The following EPHA4 variants were observed in gnomAD, a reference collection of about 807,000 sequenced individuals.
The protein encoded by EPHA4 is ephrin type-A receptor 4.
In EPHA4, 19 loss-of-function variants were observed where a neutral mutation model predicts 108.3. The observed-to-expected ratio is 0.18, with a 90% CI of 0.12 to 0.26. EPHA4 has a LOEUF of 0.26. Among genes scored for constraint, EPHA4 ranks in the 10% least tolerant of loss-of-function variants. The pLI, the probability that EPHA4 is intolerant of heterozygous loss-of-function variation, is 1.00. For synonymous variants in EPHA4, 449 were observed against 455.5 expected, an observed-to-expected ratio of 0.99 and a Z score of 0.18; for missense variants, 917 against 1,254.0, an observed-to-expected ratio of 0.73 and a Z score of 4.06.
At chr2:221,554,916 T>C in intron 3 of EPHA4, among the ~76,000 whole-genome samples, 1 of 152,154 alleles carries the variant, frequency 6.6e-6, no homozygotes, top group East Asian at 1.9e-4. Context: ...GAATTGTATC[T>C]TTTACTTTAC....
chr2:221,426,028 T>G lies in EPHA4; in HGVS notation c.2961A>C (p.Ter987CysextTer5), dbSNP rs779080753. 1.2e-6 allele frequency: 2 copies of G among 1,613,776 alleles called. No homozygotes were observed. Among genetic ancestry groups the G allele is most frequent in the Admixed American group, 1.7e-5 (1 of 60,004 alleles). The change falls in exon 17 of 18, where the codon TGA becomes TGC. Residue 987 changes from the stop codon to cysteine, a stop_lost. Coordinates refer to ENST00000281821, the MANE Select transcript of EPHA4 (RefSeq NM_004438.5). ...QQMHGRMVPV[*>C] is the part of the protein sequence containing the mutation. ...AGTTTTGAGTTTATTCAGTACTGGC[T>G]CAGACGGGAACCATTCTGCCGTGCA...
At chr2:221,479,920 A>G (rs1006863015) in intron 5 of EPHA4, among the ~76,000 whole-genome samples, 1 of 152,176 alleles carries the variant, frequency 6.6e-6, no homozygotes, top group East Asian at 1.9e-4. Flanking sequence ...TGTCCTGTTC[A>G]GCAAACCTCC....
At chr2:221,438,259 T>A (rs1369914567) in intron 11 of EPHA4, among the ~76,000 whole-genome samples, 1 of 152,036 alleles carries the variant, frequency 6.6e-6, no homozygotes, top group East Asian at 1.9e-4. Flanking sequence ...TTCACAAAAG[T>A]CCGCTTTCTG....
At chr2:221,568,905 A>T in intron 1 of EPHA4, 120 bp from the exon 2 acceptor site, 1 of 635,110 alleles carries the variant, frequency 1.6e-6, no homozygotes, top group Non-Finnish European at 2.5e-6. Flanking sequence ...ACTGATCAAA[A>T]CCTAAACTTG....
At chr2:221,538,557 G>A (rs1449430095) in intron 3 of EPHA4, among the ~76,000 whole-genome samples, 2 of 152,142 alleles carry the variant, frequency 1.3e-5, no homozygotes, top group Non-Finnish European at 2.9e-5. Flanking sequence ...GAATTTGCCA[G>A]AATCTGCATA....
chr2:221,444,767 T>G (rs113540041), intron 9 of EPHA4, among the ~76,000 whole-genome samples: 1 of 107,788 alleles, frequency 9.3e-6, no homozygotes, highest in African/African-American at 3.9e-5. Flanking sequence ...TTTTTTTTTT[T>G]TTTTTCTGGA....
intron 4 of EPHA4, among the ~76,000 whole-genome samples, chr2:221,491,948 G>A (rs1171806180): frequency 6.6e-6 from 1 of 151,996 alleles, no homozygotes; most frequent in Admixed American, 6.6e-5. Flanking sequence ...CTGGGAGGTG[G>A]AAGTTGCAGT....
intron 3 of EPHA4, among the ~76,000 whole-genome samples, chr2:221,539,577 T>C (rs1166761202): frequency 6.6e-6 from 1 of 152,130 alleles, no homozygotes; most frequent in Non-Finnish European, 1.5e-5. Context: ...ATTCTTAGAA[T>C]AGTGAAGGAG....
chr2:221,569,687 C>G (rs2106214771), intron 1 of EPHA4, among the ~76,000 whole-genome samples: 1 of 151,680 alleles, frequency 6.6e-6, no homozygotes, highest in Middle Eastern at 3.4e-3. Flanking sequence ...GGTCGAAAGG[C>G]CCACCTCAAA....
At chr2:221,536,025 C>T (rs989378118) in intron 3 of EPHA4, among the ~76,000 whole-genome samples, 1 of 152,198 alleles carries the variant, frequency 6.6e-6, no homozygotes, top group East Asian at 1.9e-4. Flanking sequence ...ATATTCATTC[C>T]TCTTTTACCA....
intron 10 of EPHA4, 75 bp downstream of exon 10, chr2:221,443,418 T>G (rs1463442486): frequency 9.0e-7 from 1 of 1,110,434 alleles, no homozygotes; most frequent in African/African-American, 1.6e-5. Flanking sequence ...ACAAAAGCAT[T>G]TATGTAATCC....
intron 2 of EPHA4, 103 bp downstream of exon 2, chr2:221,568,615 A>AC: frequency 1.2e-6 from 1 of 838,248 alleles, no homozygotes; most frequent in East Asian, 2.6e-5. Flanking sequence ...CGGAAATCTG[A>AC]CCCCCTCACC....
At chr2:221,494,549 G>A (rs1414194488) in intron 4 of EPHA4, among the ~76,000 whole-genome samples, 1 of 152,194 alleles carries the variant, frequency 6.6e-6, no homozygotes, top group East Asian at 1.9e-4. Context: ...GGCAGTTACA[G>A]TGAGCTGAGA....
At chr2:221,451,849 G>A (rs1475493915) in intron 8 of EPHA4, among the ~76,000 whole-genome samples, 2 of 152,106 alleles carry the variant, frequency 1.3e-5, no homozygotes, top group Admixed American at 1.3e-4. Flanking sequence ...CTTTCACCGC[G>A]ATCCCTAAAT....
chr2:221,500,909 T>G lies in EPHA4; in HGVS notation c.979+108A>C, dbSNP rs1324762682. 3 of 1,198,292 alleles carry G rather than the reference T, an allele frequency of 2.5e-6. No individual in the cohort carries two copies. The African/African-American group carries it at 4.6e-5, about 19-fold the overall frequency. 74.2% of individuals were successfully genotyped at this position (1,198,292 alleles called of 1,614,324 possible). A position where few individuals can be genotyped will look rare whatever the true frequency, so the allele number is the denominator to read the frequency against. On this transcript the variant is annotated intron_variant, in intron 4 of 17. Coordinates refer to ENST00000281821, the MANE Select transcript of EPHA4 (RefSeq NM_004438.5). Reference sequence around the variant, plus strand: ...ATTGAGAAAGGATGAATGTTTGATCTCAAGTGCCCCCTGAATGATTATCCC... The same window carrying G: ...ATTGAGAAAGGATGAATGTTTGATCGCAAGTGCCCCCTGAATGATTATCCC...
rs566654909 is a variant in EPHA4, at chr2:221,474,057, A to T, written c.1318+8295T>A. 2.3e-4 allele frequency among the ~76,000 whole-genome samples: 35 copies of T among 152,354 alleles called. No homozygotes were observed. In the South Asian group the frequency reaches 7.0e-3, roughly 31 times the overall value. ...TTCATTTTCTTAGAGTGGAATATTC[A>T]CATCTTTTTTAAAAAAATGCAATCT... On this transcript the variant is annotated intron_variant, in intron 5 of 17. Transcript: ENST00000281821.
chr2:221,483,806 G>C (rs920107515), intron 4 of EPHA4, among the ~76,000 whole-genome samples: 3 of 151,934 alleles, frequency 2.0e-5, no homozygotes, highest in Non-Finnish European at 2.9e-5. Flanking sequence ...GGCCATGATT[G>C]GTCTTAATAG....
intron 14 of EPHA4, among the ~76,000 whole-genome samples, chr2:221,432,646 A>ACTT (rs1553567938): frequency 7.0e-6 from 1 of 142,082 alleles, no homozygotes; most frequent in African/African-American, 2.6e-5. Context: ...TGCACCGAAC[A>ACTT]TTTTTTTTTT....
chr2:221,451,645 G>A (rs1263500485), intron 8 of EPHA4, among the ~76,000 whole-genome samples: 1 of 152,150 alleles, frequency 6.6e-6, no homozygotes, highest in Non-Finnish European at 1.5e-5. Flanking sequence ...ACAATTATGT[G>A]CTCTGGAAAG....
Sources: gnomAD v4.1 joint callset for allele counts (sites outside exome capture counted in the v4.1 genomes callset) on GRCh38, gnomAD v4.1.1 for gene constraint, MANE v1.5 for transcripts, NCBI Gene and HGNC (gene_info 2026-07-23, HGNC 2026-07-21) for gene names.